The following ATXN8OS variants were observed in gnomAD, a reference collection of about 807,000 sequenced individuals.
ATXN8OS encodes the protein ATXN8 opposite strand (non-protein coding).
At chr13:70,140,753 A>T (rs147399979) in intron 3 of ATXN8OS, among the ~76,000 whole-genome samples, 1 of 152,014 alleles carries the variant, frequency 6.6e-6, no homozygotes, top group African/African-American at 2.4e-5. Context: ...CATTTTCCTG[A>T]TTTAATGCCC....
chr13:70,168,936 T>G (rs1389001165), intron 4 of ATXN8OS, among the ~76,000 whole-genome samples: 4 of 152,158 alleles, frequency 2.6e-5, no homozygotes, highest in Non-Finnish European at 4.4e-5. Context: ...TTCAATTACA[T>G]TGACTATCAC....
chr13:70,145,463 T>C (rs1251882922), intron 3 of ATXN8OS, among the ~76,000 whole-genome samples: 2 of 152,088 alleles, frequency 1.3e-5, no homozygotes, highest in Admixed American at 6.6e-5. Context: ...TTTCACGATA[T>C]TGATTCTTCC....
chr13:70,153,183 T>G (rs953214729), intron 4 of ATXN8OS, among the ~76,000 whole-genome samples: 4 of 152,090 alleles, frequency 2.6e-5, no homozygotes, highest in African/African-American at 9.7e-5. Flanking sequence ...TACTGGAAAT[T>G]AGTAGCTAAA....
intron 3 of ATXN8OS, among the ~76,000 whole-genome samples, chr13:70,132,634 A>G (rs1888550514): frequency 2.0e-5 from 3 of 152,170 alleles, no homozygotes; most frequent in Admixed American, 6.5e-5. Flanking sequence ...AATTAAAAAT[A>G]TATGCATATT....
At chr13:70,154,922 TTGGCAG>T (rs1888917755) in intron 4 of ATXN8OS, among the ~76,000 whole-genome samples, 1 of 152,216 alleles carries the variant, frequency 6.6e-6, no homozygotes, top group Non-Finnish European at 1.5e-5. Flanking sequence ...TCTGGATTGC[TTGGCAG>T]TGGTCATGTG....
chr13:70,111,023 GAATC>G (rs1888192526), intron 1 of ATXN8OS, among the ~76,000 whole-genome samples: 1 of 152,160 alleles, frequency 6.6e-6, no homozygotes, highest in Non-Finnish European at 1.5e-5. Context: ...ACTGTCAGTT[GAATC>G]AATCAGAGTC....
chr13:70,143,664 A>G (rs899613852), intron 3 of ATXN8OS, among the ~76,000 whole-genome samples: 3 of 152,028 alleles, frequency 2.0e-5, no homozygotes, highest in African/African-American at 7.2e-5. Context: ...TCTGTTTTAT[A>G]TTTTCTGCAC....
At chr13:70,155,777 T>TA (rs1888927932) in intron 4 of ATXN8OS, among the ~76,000 whole-genome samples, 1 of 147,766 alleles carries the variant, frequency 6.8e-6, no homozygotes, top group Non-Finnish European at 1.5e-5. Context: ...ATTCCATTTT[T>TA]TTTTTTGCCA....
chr13:70,169,666 C>T (rs146394135), intron 4 of ATXN8OS, among the ~76,000 whole-genome samples: 1 of 150,130 alleles, frequency 6.7e-6, no homozygotes, highest in Non-Finnish European at 1.5e-5. Context: ...CTTTGAGGGG[C>T]AACACATCCA....
intron 4 of ATXN8OS, among the ~76,000 whole-genome samples, chr13:70,164,707 T>C (rs954355404): frequency 6.6e-6 from 1 of 151,972 alleles, no homozygotes; most frequent in Non-Finnish European, 1.5e-5. Flanking sequence ...AGATTGGGAA[T>C]GAAAAATTGG....
intron 4 of ATXN8OS, among the ~76,000 whole-genome samples, chr13:70,159,416 A>G (rs1888976471): frequency 1.3e-5 from 2 of 152,082 alleles, no homozygotes; most frequent in Admixed American, 6.6e-5. Flanking sequence ...GTACTACTAG[A>G]CACTCTTGTC....
At chr13:70,138,079 T>G (rs571564663) in intron 3 of ATXN8OS, among the ~76,000 whole-genome samples, 103 of 152,316 alleles carry the variant, frequency 6.8e-4, no homozygotes, top group African/African-American at 2.4e-3. Context: ...ATCCAATCAC[T>G]TTCCACCAAA....
chr13:70,159,081 TCTC>T (rs987539904), intron 4 of ATXN8OS, among the ~76,000 whole-genome samples: 24 of 152,236 alleles, frequency 1.6e-4, no homozygotes, highest in Non-Finnish European at 1.5e-4. Flanking sequence ...AAGATTAAAA[TCTC>T]CTCATTACTA....
At chr13:70,167,181 A>G (rs557061862) in intron 4 of ATXN8OS, among the ~76,000 whole-genome samples, 2 of 152,242 alleles carry the variant, frequency 1.3e-5, no homozygotes, top group East Asian at 3.9e-4. Flanking sequence ...TACCCAAAGG[A>G]TTATAAATCA....
At chr13:70,149,044 A>C (rs1167286690) in intron 4 of ATXN8OS, among the ~76,000 whole-genome samples, 1 of 152,020 alleles carries the variant, frequency 6.6e-6, no homozygotes, top group Non-Finnish European at 1.5e-5. Flanking sequence ...AACATGAAAA[A>C]CCCTCACACT....
chr13:70,107,506 A>G, upstream of ATXN8OS: 1 of 1,611,566 alleles, frequency 6.2e-7, no homozygotes, highest in Non-Finnish European at 8.5e-7. Context: ...GAAAGTGCTC[A>G]CACCGCTTCT....
chr13:70,153,390 T>C (rs978083299), intron 4 of ATXN8OS, among the ~76,000 whole-genome samples: 1 of 151,788 alleles, frequency 6.6e-6, no homozygotes, highest in African/African-American at 2.4e-5. Flanking sequence ...CTGGCCAACA[T>C]AGTGAAATCC....
chr13:70,150,943 G>T (rs2137498825), intron 4 of ATXN8OS, among the ~76,000 whole-genome samples: 1 of 152,186 alleles, frequency 6.6e-6, no homozygotes, highest in East Asian at 1.9e-4. Context: ...GGCAAAGCAG[G>T]CATTGGCACT....
chr13:70,153,987 T>C (rs1011335883), intron 4 of ATXN8OS, among the ~76,000 whole-genome samples: 1 of 152,086 alleles, frequency 6.6e-6, no homozygotes, highest in Non-Finnish European at 1.5e-5. Flanking sequence ...GCACCTGGCC[T>C]GTACTTATTA....
Sources: allele counts gnomAD v4.1 joint callset (sites outside exome capture counted in the v4.1 genomes callset), GRCh38; gene constraint gnomAD v4.1.1; transcripts MANE v1.5; gene names NCBI Gene and HGNC (gene_info 2026-07-23, HGNC 2026-07-21).